The following TAS2R1 variants were observed in gnomAD, a reference collection of about 807,000 sequenced individuals.
TAS2R1 encodes the protein taste 2 receptor member 1.
For missense variants in TAS2R1, 370 were observed against 353.4 expected, an observed-to-expected ratio of 1.05 and a Z score of -0.38; for synonymous variants, 141 against 134.2, an observed-to-expected ratio of 1.05 and a Z score of -0.35.
intron 1 of TAS2R1, among the ~76,000 whole-genome samples, chr5:9,693,543 A>C (rs1226886949): frequency 6.6e-6 from 1 of 150,446 alleles, no homozygotes; most frequent in Non-Finnish European, 1.5e-5. Context: ...AAAAAAAAAA[A>C]AAAAAGAGAG....
At chr5:9,823,875 G>C in the TAS2R1 span, among the ~76,000 whole-genome samples, 1 of 152,174 alleles carries the variant, frequency 6.6e-6, no homozygotes, top group Non-Finnish European at 1.5e-5. Flanking sequence ...CAAATCAAAT[G>C]GTTCAAAGTG....
chr5:9,865,149 G>A, the TAS2R1 span, among the ~76,000 whole-genome samples: 1 of 152,200 alleles, frequency 6.6e-6, no homozygotes. Flanking sequence ...TGTGGAGGGG[G>A]AGCAAGGAAG....
the TAS2R1 span, among the ~76,000 whole-genome samples, chr5:9,896,747 T>C: frequency 6.6e-6 from 1 of 152,198 alleles, no homozygotes; most frequent in African/African-American, 2.4e-5. Context: ...ATATTCTAAG[T>C]CCTTGCAAGG....
At chr5:9,649,834 T>C (rs1219370985) in intron 2 of TAS2R1, among the ~76,000 whole-genome samples, 1 of 152,174 alleles carries the variant, frequency 6.6e-6, no homozygotes. Context: ...TTAATATCTG[T>C]CATTTGGGGG....
rs765364746 is a variant in TAS2R1, at chr5:9,627,761, T to C, written c.*1372A>G. ...CCTAGTGGGACGTGGGAAAATGAAATAGCAGGAAGATGGAGGCTGTCATTT... is the reference window on the plus strand; with the variant it reads ...CCTAGTGGGACGTGGGAAAATGAAACAGCAGGAAGATGGAGGCTGTCATTT... On this transcript the variant is annotated 3_prime_UTR_variant, in exon 1 of 1. Coordinates refer to ENST00000382492, the MANE Select transcript of TAS2R1 (RefSeq NM_019599.3). Among the ~76,000 whole-genome samples, 6 of 152,120 alleles carry C rather than the reference T, an allele frequency of 3.9e-5. No homozygotes were observed. Among genetic ancestry groups the C allele is most frequent in the Admixed American group, 1.3e-4 (2 of 15,258 alleles).
At chr5:9,769,442 C>T in the TAS2R1 span, among the ~76,000 whole-genome samples, 1 of 152,112 alleles carries the variant, frequency 6.6e-6, no homozygotes, top group Non-Finnish European at 1.5e-5. Flanking sequence ...AGTGGGATTG[C>T]TGGATTATAT....
the TAS2R1 span, among the ~76,000 whole-genome samples, chr5:9,799,644 A>G: frequency 6.6e-6 from 1 of 152,228 alleles, no homozygotes; most frequent in Non-Finnish European, 1.5e-5. Flanking sequence ...ATATCACTAA[A>G]TTAGGGGGCA....
At chr5:9,854,244 T>C in the TAS2R1 span, 1 of 151,730 alleles carries the variant, frequency 6.6e-6, no homozygotes, top group Non-Finnish European at 1.5e-5. Context: ...TGTGTGTGTC[T>C]CTCTGTGCAT....
At chr5:9,801,222 T>C in the TAS2R1 span, among the ~76,000 whole-genome samples, 1 of 152,144 alleles carries the variant, frequency 6.6e-6, no homozygotes, top group African/African-American at 2.4e-5. Flanking sequence ...CATGTGAGGA[T>C]ACAGGAAAAA....
the TAS2R1 span, among the ~76,000 whole-genome samples, chr5:9,742,548 ACT>A: frequency 1.3e-5 from 2 of 152,098 alleles, no homozygotes; most frequent in African/African-American, 4.8e-5. Flanking sequence ...TTTGAACCTG[ACT>A]CTACCTTACT....
At chr5:9,722,017 T>A in the TAS2R1 span, among the ~76,000 whole-genome samples, 4 of 152,216 alleles carry the variant, frequency 2.6e-5, no homozygotes, top group Admixed American at 2.6e-4. Flanking sequence ...TCTGAGAAGA[T>A]GTTTTAAAAG....
At chr5:9,831,674 T>C in the TAS2R1 span, among the ~76,000 whole-genome samples, 2 of 152,066 alleles carry the variant, frequency 1.3e-5, no homozygotes, top group Admixed American at 1.3e-4. Context: ...AGGCTTATTA[T>C]ACTCATTTTT....
chr5:9,697,107 G>A (rs1741377143), intron 1 of TAS2R1, among the ~76,000 whole-genome samples: 2 of 151,664 alleles, frequency 1.3e-5, no homozygotes. Flanking sequence ...AAGAGAAGGA[G>A]AGAAAGAAAT....
chr5:9,895,578 T>G, the TAS2R1 span, among the ~76,000 whole-genome samples: 1 of 152,242 alleles, frequency 6.6e-6, no homozygotes. Context: ...GTCTTTCTTT[T>G]TTCTTTTCTT....
chr5:9,664,785 T>C (rs1472849961), intron 1 of TAS2R1, among the ~76,000 whole-genome samples: 1 of 152,216 alleles, frequency 6.6e-6, no homozygotes, highest in African/African-American at 2.4e-5. Flanking sequence ...CCCCTTACAA[T>C]GCACTTTTTA....
the TAS2R1 span, among the ~76,000 whole-genome samples, chr5:9,748,447 G>A: frequency 6.6e-6 from 1 of 152,120 alleles, no homozygotes; most frequent in Non-Finnish European, 1.5e-5. Context: ...TTTCTGAGAT[G>A]GGGTAGTTGA....
the TAS2R1 span, among the ~76,000 whole-genome samples, chr5:9,854,193 T>C: frequency 6.6e-6 from 1 of 152,130 alleles, no homozygotes; most frequent in African/African-American, 2.4e-5. Flanking sequence ...TGTAGACACA[T>C]CACCCCAACC....
At chr5:9,677,762 G>C (rs543434897) in intron 1 of TAS2R1, among the ~76,000 whole-genome samples, 1 of 152,284 alleles carries the variant, frequency 6.6e-6, no homozygotes, top group Non-Finnish European at 1.5e-5. Flanking sequence ...AAGACAGTTC[G>C]ACAGTTCCTC....
intron 1 of TAS2R1, among the ~76,000 whole-genome samples, chr5:9,667,030 T>C (rs1740648444): frequency 6.6e-6 from 1 of 152,196 alleles, no homozygotes. Context: ...ACAGGCATGT[T>C]CCAAAATAAA....
Sources: allele counts gnomAD v4.1 joint callset (sites outside exome capture counted in the v4.1 genomes callset), GRCh38; gene constraint gnomAD v4.1.1; transcripts MANE v1.5; gene names NCBI Gene and HGNC (gene_info 2026-07-23, HGNC 2026-07-21).